MDGA2: variants seen among roughly 807,000 people sequenced by gnomAD.
MDGA2 encodes the protein MAM domain-containing glycosylphosphatidylinositol anchor protein 2.
A neutral mutation model predicts 117.8 loss-of-function variants in MDGA2; 40 were observed. The ratio of observed to expected loss-of-function variants is 0.34; its 90% CI spans 0.26 to 0.44. MDGA2 has a LOEUF of 0.44. Ranked by LOEUF, MDGA2 falls within the 20% of genes least tolerant of loss-of-function variation. The pLI is 1.00. For missense variants in MDGA2, 1,123 were observed against 1,250.6 expected (o/e 0.90, Z 1.54); for synonymous variants, 452 against 439.0 (o/e 1.03, Z -0.37).
intron 1 of MDGA2, among the ~76,000 whole-genome samples, chr14:47,483,869 C>A (rs1352678230): frequency 1.3e-5 from 2 of 152,066 alleles, no homozygotes; most frequent in African/African-American, 4.8e-5. Context: ...ATATTCTAGC[C>A]CCCAAGAAGT....
chr14:47,559,467 C>T (rs1189139310), intron 1 of MDGA2, among the ~76,000 whole-genome samples: 1 of 152,056 alleles, frequency 6.6e-6, no homozygotes, highest in Middle Eastern at 3.2e-3. Flanking sequence ...ATATGCATCA[C>T]ATTTTCTTTA....
chr14:46,969,738 A>G (rs957256312), intron 8 of MDGA2, among the ~76,000 whole-genome samples: 1 of 151,534 alleles, frequency 6.6e-6, no homozygotes, highest in Non-Finnish European at 1.5e-5. Context: ...GAACAAGGAG[A>G]ACACTTGGAC....
intron 10 of MDGA2, among the ~76,000 whole-genome samples, chr14:46,887,296 G>GA (rs1479645675): frequency 6.6e-6 from 1 of 151,906 alleles, no homozygotes; most frequent in Non-Finnish European, 1.5e-5. Flanking sequence ...TTTCATGAAT[G>GA]AAAAAACTGA....
In MDGA2 at chr14:47,162,306, A is replaced by G. The variant is rs141639411; in HGVS notation, c.596-18032T>C. Among the ~76,000 whole-genome samples the G allele has an allele frequency of 4.1e-3, 618 of 152,048 alleles. 3 individuals are homozygous for G. Among genetic ancestry groups the G allele is most frequent in the African/African-American group, 0.014 (581 of 41,480 alleles). Reference sequence around the variant, plus strand: ...TTTCCTTCAATCTTTTCTACAGTATATATCTTAGACTGTATAATATAAAGG... The same window carrying G: ...TTTCCTTCAATCTTTTCTACAGTATGTATCTTAGACTGTATAATATAAAGG... On this transcript the variant is annotated intron_variant, in intron 3 of 16. Transcript: ENST00000399232.
chr14:47,031,022 T>C (rs1888645997), intron 8 of MDGA2, among the ~76,000 whole-genome samples: 1 of 152,104 alleles, frequency 6.6e-6, no homozygotes, highest in Non-Finnish European at 1.5e-5. Context: ...TAGGCTTCTG[T>C]CCCTCATTAT....
chr14:47,461,434 T>C (rs1302671054), intron 1 of MDGA2, among the ~76,000 whole-genome samples: 2 of 152,102 alleles, frequency 1.3e-5, no homozygotes, highest in Admixed American at 6.6e-5. Context: ...CAGAGGGGAT[T>C]CAAACCTAGA....
At chr14:47,106,076 C>A (rs1205457341) in intron 5 of MDGA2, among the ~76,000 whole-genome samples, 1 of 152,114 alleles carries the variant, frequency 6.6e-6, no homozygotes, top group Non-Finnish European at 1.5e-5. Context: ...TATCCCAAAT[C>A]GGATAGCGTT....
intron 9 of MDGA2, among the ~76,000 whole-genome samples, chr14:46,935,961 A>G (rs1275964130): frequency 6.6e-6 from 1 of 151,860 alleles, no homozygotes; most frequent in African/African-American, 2.4e-5. Flanking sequence ...AAATGTTTTA[A>G]ATTTAATTCA....
chr14:47,353,498 T>A (rs1405740755), intron 1 of MDGA2, among the ~76,000 whole-genome samples: 2 of 152,198 alleles, frequency 1.3e-5, no homozygotes, highest in Non-Finnish European at 2.9e-5. Context: ...GTCCTAATCC[T>A]AGTTCCTCAA....
At chr14:47,072,267 G>A (rs1000593451) in intron 6 of MDGA2, among the ~76,000 whole-genome samples, 11 of 152,062 alleles carry the variant, frequency 7.2e-5, no homozygotes, top group Non-Finnish European at 1.5e-4. Context: ...TGTGGATAGA[G>A]ACATTATAGA....
At chr14:47,301,282 C>A in intron 2 of MDGA2, 129 bp downstream of exon 2, 1 of 866,102 alleles carries the variant, frequency 1.2e-6, no homozygotes, top group Non-Finnish European at 1.6e-6. Context: ...CACACACACA[C>A]ACCCACACCC....
intron 1 of MDGA2, among the ~76,000 whole-genome samples, chr14:47,425,436 G>T (rs543275464): frequency 6.6e-6 from 1 of 152,080 alleles, no homozygotes; most frequent in Non-Finnish European, 1.5e-5. Context: ...TCCCAAGAAT[G>T]CTTTCTAACA....
At position 47,155,888 on chromosome 14, in the gene MDGA2, C is replaced by CTTTTTTTTTTTTTTTTTTTTTT. The variant is rs55827732; in HGVS notation, c.596-11636_596-11615dup. Among the ~76,000 whole-genome samples, 49 of 40,158 alleles carry CTTTTTTTTTTTTTTTTTTTTTT rather than the reference C, an allele frequency of 1.2e-3. 8 individuals carry two copies. The highest frequency in any genetic ancestry group is 2.9e-3 in the South Asian group (3 of 1,018). The allele number at this position is 40,158 out of a possible 152,430, so 26.3% of individuals were successfully genotyped here. A position where few individuals can be genotyped will look rare whatever the true frequency, so the allele number is the denominator to read the frequency against. ...ATTCTTTTCTTTTCTTCTTCTTCTT[C>CTTTTTTTTTTTTTTTTTTTTTT]TTTTTTTTTTTTTTTTTTTTTTTTT... On this transcript the variant is annotated intron_variant, in intron 3 of 16. Transcript: ENST00000399232.
intron 14 of MDGA2, among the ~76,000 whole-genome samples, chr14:46,864,838 C>T (rs1035605532): frequency 7.2e-5 from 11 of 152,010 alleles, no homozygotes; most frequent in African/African-American, 2.6e-4. Context: ...TTATCTATCC[C>T]CTCAGCCACC....
intron 9 of MDGA2, among the ~76,000 whole-genome samples, chr14:46,937,905 A>C (rs1884841248): frequency 6.6e-6 from 1 of 152,236 alleles, no homozygotes; most frequent in Admixed American, 6.5e-5. Context: ...AGATTTTATG[A>C]ATAAGACTTC....
intron 1 of MDGA2, among the ~76,000 whole-genome samples, chr14:47,405,280 C>T (rs1171710120): frequency 6.6e-6 from 1 of 152,040 alleles, no homozygotes; most frequent in African/African-American, 2.4e-5. Context: ...TTAAGCCATA[C>T]CCTCATTTTA....
chr14:47,049,151 A>T (rs2138714945), intron 7 of MDGA2, among the ~76,000 whole-genome samples: 1 of 152,244 alleles, frequency 6.6e-6, no homozygotes, highest in African/African-American at 2.4e-5. Context: ...CGTTTCATTT[A>T]CAGTGGACTG....
At chr14:47,103,588 C>T (rs1172853691) in intron 5 of MDGA2, among the ~76,000 whole-genome samples, 1 of 152,138 alleles carries the variant, frequency 6.6e-6, no homozygotes, top group Non-Finnish European at 1.5e-5. Context: ...TAGGAGTAAA[C>T]TTTTGCTACA....
intron 8 of MDGA2, among the ~76,000 whole-genome samples, chr14:47,026,956 G>A (rs923376272): frequency 2.0e-5 from 3 of 151,986 alleles, no homozygotes; most frequent in African/African-American, 7.2e-5. Context: ...AGGGACGCTT[G>A]AGGCCAGGAG....
Sources: gnomAD v4.1 joint callset for allele counts (sites outside exome capture counted in the v4.1 genomes callset) on GRCh38, gnomAD v4.1.1 for gene constraint, MANE v1.5 for transcripts, NCBI Gene and HGNC (gene_info 2026-07-23, HGNC 2026-07-21) for gene names.